SESN1: variants seen among roughly 807,000 people sequenced by gnomAD.
SESN1 encodes sestrin 1, also known as sestrin-1.
A neutral mutation model predicts 59.3 loss-of-function variants in SESN1; 30 were observed. The observed-to-expected ratio is 0.51, with a 90% CI of 0.38 to 0.69. The LOEUF (loss-of-function observed/expected upper bound fraction) is 0.69. Among genes scored for constraint, SESN1 ranks in the 30% least tolerant of loss-of-function variants. The probability of loss-of-function intolerance (pLI) is 0.00; values close to 1 mark genes in which losing one functional copy is unlikely to be tolerated. For synonymous variants in SESN1, 197 were observed against 219.9 expected (o/e 0.90, Z 0.92); for missense variants, 566 against 673.0 (o/e 0.84, Z 1.76).
At chr6:109,016,769 C>G (rs1316959832) in intron 1 of SESN1, among the ~76,000 whole-genome samples, 1 of 152,078 alleles carries the variant, frequency 6.6e-6, no homozygotes, top group Non-Finnish European at 1.5e-5. Context: ...TATAATACCA[C>G]TTAAAAATGT....
chr6:109,074,753 C>T (rs1413775759), intron 1 of SESN1, among the ~76,000 whole-genome samples: 1 of 152,138 alleles, frequency 6.6e-6, no homozygotes, highest in Non-Finnish European at 1.5e-5. Flanking sequence ...TCTCTTTCCC[C>T]TCAAATCATA....
At chr6:109,064,136 T>C (rs1382168049) in intron 1 of SESN1, among the ~76,000 whole-genome samples, 1 of 152,160 alleles carries the variant, frequency 6.6e-6, no homozygotes, top group Non-Finnish European at 1.5e-5. Context: ...TTTAGCCTTG[T>C]CACTAAACTG....
At chr6:109,046,173 C>G (rs1273473040) in intron 1 of SESN1, among the ~76,000 whole-genome samples, 1 of 151,176 alleles carries the variant, frequency 6.6e-6, no homozygotes, top group Non-Finnish European at 1.5e-5. Context: ...GCTGCCATCT[C>G]GGCTCACTGC....
At chr6:109,063,322 A>G (rs531216930) in intron 1 of SESN1, among the ~76,000 whole-genome samples, 1 of 152,150 alleles carries the variant, frequency 6.6e-6, no homozygotes, top group East Asian at 1.9e-4. Context: ...ACGAGAAAAG[A>G]GAGGAAGCCT....
At chr6:109,003,220 T>A (rs1669170304) in intron 1 of SESN1, among the ~76,000 whole-genome samples, 1 of 151,808 alleles carries the variant, frequency 6.6e-6, no homozygotes, top group African/African-American at 2.4e-5. Flanking sequence ...AAAAATTTTT[T>A]TTAGAATTTA....
Position 108,998,765 on chromosome 6 carries a change from A to C in SESN1, c.730-10T>G. 1.2e-6 allele frequency: 1 copy of C among 863,542 alleles called. No homozygotes were observed. The highest frequency in any genetic ancestry group is 1.6e-6 in the Non-Finnish European group (1 of 628,942). 53.5% of individuals were successfully genotyped at this position (863,542 alleles called of 1,614,324 possible). ...CAGCTTTTAAAAGTCCCTTAGGGGG[A>C]AAAAAAAAAAGAATATATTTTTGTA... On this transcript the variant is annotated splice_polypyrimidine_tract_variant and intron_variant, in intron 4 of 9. Transcript: ENST00000436639.
intron 1 of SESN1, among the ~76,000 whole-genome samples, chr6:109,066,390 C>G (rs1780826903): frequency 1.3e-5 from 2 of 148,452 alleles, no homozygotes; most frequent in African/African-American, 2.5e-5. Context: ...TATTATTTCT[C>G]TTTGTCTCCC....
chr6:109,059,879 C>T (rs1199162033), intron 1 of SESN1, among the ~76,000 whole-genome samples: 4 of 152,046 alleles, frequency 2.6e-5, no homozygotes, highest in African/African-American at 9.7e-5. Context: ...CGATTTCTTC[C>T]ACTCACAGGA....
At position 109,008,122 on chromosome 6, in the gene SESN1, G is replaced by A. The variant is rs550472069; in HGVS notation, c.280-5779C>T. ...CCATAAGCGCTGTAACAATATGCAA[G>A]CCAAAATCTATTTCTTTATCTTTTA... On this transcript the variant is annotated intron_variant, in intron 1 of 9. Transcript: ENST00000436639. Among the ~76,000 whole-genome samples the A allele has an allele frequency of 6.6e-5, 10 of 152,266 alleles. No homozygotes were observed. The East Asian group carries it at 1.9e-3, about 29-fold the overall frequency.
chr6:109,015,911 CAT>C (rs1239319689), intron 1 of SESN1, among the ~76,000 whole-genome samples: 6 of 152,308 alleles, frequency 3.9e-5, no homozygotes, highest in Non-Finnish European at 8.8e-5. Context: ...ATGAAATTCT[CAT>C]AGTGCTTCTA....
chr6:109,011,468 C>T (rs919805892), intron 1 of SESN1, among the ~76,000 whole-genome samples: 1 of 152,092 alleles, frequency 6.6e-6, no homozygotes, highest in African/African-American at 2.4e-5. Flanking sequence ...TTTATGGTCT[C>T]TATAAAGACT....
chr6:109,058,775 A>T (rs1289973013), intron 1 of SESN1, among the ~76,000 whole-genome samples: 2 of 152,162 alleles, frequency 1.3e-5, no homozygotes, highest in East Asian at 1.9e-4. Flanking sequence ...CACTTGACCA[A>T]AATCATCAAA....
chr6:109,030,192 C>G (rs1780160715), intron 1 of SESN1, among the ~76,000 whole-genome samples: 1 of 152,180 alleles, frequency 6.6e-6, no homozygotes, highest in Non-Finnish European at 1.5e-5. Context: ...AGAATCAGCA[C>G]TTTAGTACAT....
chr6:109,002,847 C>T (rs1205796687), intron 1 of SESN1, among the ~76,000 whole-genome samples: 2 of 152,162 alleles, frequency 1.3e-5, no homozygotes, highest in African/African-American at 2.4e-5. Flanking sequence ...ACTAAATTCA[C>T]AAGAGACAGC....
At chr6:109,053,262 T>C (rs78596296) in intron 1 of SESN1, among the ~76,000 whole-genome samples, 15,594 of 152,150 alleles carry the variant, frequency 0.1, 854 homozygotes, top group Middle Eastern at 0.21. Context: ...GATAAAGAAA[T>C]TGGGGCTCAG....
At chr6:109,049,263 A>T (rs914243585) in intron 1 of SESN1, among the ~76,000 whole-genome samples, 1 of 152,226 alleles carries the variant, frequency 6.6e-6, no homozygotes, top group Admixed American at 6.5e-5. Context: ...GATAAGTAAA[A>T]TAAGCCAGGA....
Position 109,085,515 on chromosome 6 carries a change from T to TCACA in SESN1, c.279+8276_279+8279dup, listed in dbSNP as rs59793015. On this transcript the variant is annotated intron_variant, in intron 1 of 9. Coordinates refer to ENST00000436639, the MANE Select transcript of SESN1 (RefSeq NM_014454.3). ...GCCTAGGTGACAGAGTGACACTCCG[T>TCACA]CACACACACACACACACACACACAC... 8.5e-3 allele frequency among the ~76,000 whole-genome samples: 1,265 copies of TCACA among 148,502 alleles called. 7 individuals are homozygous for TCACA. The highest frequency in any genetic ancestry group is 0.011 in the African/African-American group (446 of 40,424).
Position 109,027,163 on chromosome 6 carries a change from C to G in SESN1, c.280-24820G>C, listed in dbSNP as rs551844193. On this transcript the variant is annotated intron_variant, in intron 1 of 9. Coordinates refer to ENST00000436639, the MANE Select transcript of SESN1 (RefSeq NM_014454.3). ...CCAGCCTCAGTGACAGAGAAAGATT[C>G]TGTCTAAAAAACAATAAAATACATC... Among the ~76,000 whole-genome samples, 3 of 151,990 alleles carry G rather than the reference C, an allele frequency of 2.0e-5. No homozygotes were observed. The South Asian group carries it at 6.2e-4, about 32-fold the overall frequency.
At chr6:109,035,044 A>G (rs1395775150) in intron 1 of SESN1, among the ~76,000 whole-genome samples, 1 of 152,172 alleles carries the variant, frequency 6.6e-6, no homozygotes, top group Non-Finnish European at 1.5e-5. Flanking sequence ...TCCTCAACTT[A>G]TGGTGAGAAA....
Sources: gnomAD v4.1 joint callset for allele counts (sites outside exome capture counted in the v4.1 genomes callset) on GRCh38, gnomAD v4.1.1 for gene constraint, MANE v1.5 for transcripts, NCBI Gene and HGNC (gene_info 2026-07-23, HGNC 2026-07-21) for gene names.